The following STK31 variants were observed in gnomAD, a reference collection of about 807,000 sequenced individuals.
The protein encoded by STK31 is serine/threonine kinase 31, also known as serine/threonine-protein kinase 31.
In STK31, 89 loss-of-function variants were observed where a neutral mutation model predicts 129.7. The ratio of observed to expected loss-of-function variants is 0.69; its 90% CI spans 0.58 to 0.82. The LOEUF (loss-of-function observed/expected upper bound fraction) is 0.82, where lower values mean the gene tolerates loss of function less well. Among genes scored for constraint, STK31 ranks in the 40% least tolerant of loss-of-function variants. STK31 has a pLI of 0.00. For synonymous variants in STK31, 448 were observed against 395.3 expected, an observed-to-expected ratio of 1.13 and a Z score of -1.58; for missense variants, 1,187 against 1,176.4, an observed-to-expected ratio of 1.01 and a Z score of -0.13.
chr7:23,769,037 G>A lies in STK31; in HGVS notation c.1459G>A (p.Glu487Lys). Residue 487 changes from glutamate (E) to lysine (K), a missense_variant, in exon 12 of 24, where the codon GAA becomes AAA. Physicochemically the swap from Glu to Lys is moderately conservative, Grantham distance 56. Transcript: ENST00000355870. ...SLEAVYGQAK[E>K]GANSDEILKK... ...AGAAGCAGTGTATGGACAAGCCAAA[G>A]AAGGAGCAAATTCTGATGAAATACT... The A allele has an allele frequency of 1.2e-6, 2 of 1,612,710 alleles. No homozygotes were observed. Among genetic ancestry groups the A allele is most frequent in the Non-Finnish European group, 1.7e-6 (2 of 1,179,200 alleles).
chr7:23,734,494 A>G (rs1212055443), intron 6 of STK31, among the ~76,000 whole-genome samples: 1 of 152,204 alleles, frequency 6.6e-6, no homozygotes, highest in South Asian at 2.1e-4. Context: ...GGAGGAGTAG[A>G]TAAGTTCTTA....
chr7:23,828,892 CTTTTTTTTTG>C (rs1055400501), intron 23 of STK31, among the ~76,000 whole-genome samples: 2 of 150,708 alleles, frequency 1.3e-5, no homozygotes, highest in African/African-American at 2.4e-5. Flanking sequence ...CTTTTTCTTT[CTTTTTTTTTG>C]TTTTTCTTTT....
Position 23,786,042 on chromosome 7 carries a change from G to GA in STK31, c.2274+448dup, listed in dbSNP as rs199684197. Among the ~76,000 whole-genome samples, 744 of 148,746 alleles carry GA rather than the reference G, an allele frequency of 5.0e-3. 3 individuals are homozygous for GA. Among genetic ancestry groups the GA allele is most frequent in the Middle Eastern group, 0.031 (9 of 290 alleles). On this transcript the variant is annotated intron_variant, in intron 18 of 23. Transcript: ENST00000355870. The stretch of plus-strand genomic sequence containing the variant: ...CATTAAATAAAGCTTTGTCTCACAA[G>GA]AAAAAAAAATAAAGTTTCCCTCATT...
chr7:23,725,140 T>C (rs558369489), intron 4 of STK31, among the ~76,000 whole-genome samples: 2 of 152,200 alleles, frequency 1.3e-5, no homozygotes, highest in Admixed American at 6.5e-5. Context: ...GGTTGAACTT[T>C]GGAGGGCTAC....
intron 8 of STK31, among the ~76,000 whole-genome samples, chr7:23,749,435 C>G (rs2893126): frequency 6.8e-6 from 1 of 147,214 alleles, no homozygotes; most frequent in Non-Finnish European, 1.5e-5. Flanking sequence ...CTCCACCTCC[C>G]GGACTCAAGT....
At chr7:23,808,450 G>A (rs945171485) in intron 22 of STK31, among the ~76,000 whole-genome samples, 10 of 152,000 alleles carry the variant, frequency 6.6e-5, no homozygotes, top group Non-Finnish European at 1.3e-4. Context: ...TGGTGAGAGT[G>A]GAAGTTTTAC....
At chr7:23,727,133 T>C (rs1787135410) in intron 4 of STK31, 108 bp from the exon 5 acceptor site, 2 of 819,636 alleles carry the variant, frequency 2.4e-6, no homozygotes, top group Non-Finnish European at 2.0e-6. Flanking sequence ...ATGAGTTATA[T>C]ATAAAGTACT....
intron 23 of STK31, among the ~76,000 whole-genome samples, chr7:23,825,498 T>G (rs1794086649): frequency 6.6e-6 from 1 of 152,196 alleles, no homozygotes; most frequent in Admixed American, 6.5e-5. Context: ...TTTTCTTCTT[T>G]ATTAGTCTTG....
Position 23,782,493 on chromosome 7 carries a change from G to GAA in STK31, c.2067+976_2067+977dup, listed in dbSNP as rs1790999476. Reference sequence around the variant, plus strand: ...TCTCAAAAAAAAAAAAAAAAAAAAAGAAAAGAAAAGAAAGTAATAATATTA... The same window carrying GAA: ...TCTCAAAAAAAAAAAAAAAAAAAAAGAAAAAAGAAAAGAAAGTAATAATATTA... On this transcript the variant is annotated intron_variant, in intron 16 of 23. Transcript: ENST00000355870. Among the ~76,000 whole-genome samples the GAA allele has an allele frequency of 2.6e-5, 3 of 113,532 alleles. 1 individual carries two copies. The highest frequency in any genetic ancestry group is 8.9e-5 in the Admixed American group (1 of 11,260). The allele number at this position is 113,532 out of a possible 152,430, so 74.5% of individuals were successfully genotyped here. A position where few individuals can be genotyped will look rare whatever the true frequency, so the allele number is the denominator to read the frequency against.
chr7:23,813,078 C>CTT (rs70956924), intron 22 of STK31, among the ~76,000 whole-genome samples: 14,984 of 93,662 alleles, frequency 0.16, 1,694 homozygotes, highest in South Asian at 0.2. Flanking sequence ...GCTCTCTGTT[C>CTT]TTTTTTTTTT....
At chr7:23,746,671 GGAA>G (rs1331311719) in intron 8 of STK31, among the ~76,000 whole-genome samples, 3 of 152,044 alleles carry the variant, frequency 2.0e-5, no homozygotes, top group African/African-American at 7.2e-5. Flanking sequence ...AAAATCATAA[GGAA>G]GAAGAAATGT....
At chr7:23,753,161 T>A (rs1394273129) in intron 9 of STK31, among the ~76,000 whole-genome samples, 5 of 152,206 alleles carry the variant, frequency 3.3e-5, no homozygotes, top group Non-Finnish European at 7.3e-5. Flanking sequence ...GTACAGCATG[T>A]CCTTGAATAA....
At chr7:23,754,538 A>G in intron 10 of STK31, 64 bp downstream of exon 10, 1 of 1,489,992 alleles carries the variant, frequency 6.7e-7, no homozygotes, top group South Asian at 1.3e-5. Context: ...TGTTTTTTTA[A>G]TTTCTTCTAA....
chr7:23,814,159 T>TTTTTTTTTTTTTC (rs1374568990), intron 22 of STK31, among the ~76,000 whole-genome samples: 1 of 146,640 alleles, frequency 6.8e-6, no homozygotes, highest in Non-Finnish European at 1.5e-5. Flanking sequence ...ATTTTTTTTT[T>TTTTTTTTTTTTTC]TTTTTCAGTT....
intron 8 of STK31, among the ~76,000 whole-genome samples, chr7:23,743,287 A>G (rs1343508115): frequency 2.0e-5 from 3 of 152,146 alleles, no homozygotes; most frequent in African/African-American, 7.2e-5. Context: ...TTATGATCAC[A>G]GATTGTGTAT....
At chr7:23,798,563 A>G (rs1257520698) in intron 22 of STK31, among the ~76,000 whole-genome samples, 1 of 152,084 alleles carries the variant, frequency 6.6e-6, no homozygotes, top group African/African-American at 2.4e-5. Context: ...CTTCATGCTA[A>G]AAACTCTCAA....
intron 4 of STK31, among the ~76,000 whole-genome samples, chr7:23,724,279 T>C (rs1436037587): frequency 6.6e-6 from 1 of 152,162 alleles, no homozygotes; most frequent in African/African-American, 2.4e-5. Flanking sequence ...TCCTTTGAAA[T>C]GCTGAGGATC....
chr7:23,727,507 T>G (rs1281782953), intron 5 of STK31, 192 bp downstream of exon 5: 4 of 526,128 alleles, frequency 7.6e-6, no homozygotes, highest in Non-Finnish European at 1.3e-5. Flanking sequence ...AAGAATAGAT[T>G]ATATAATATG....
chr7:23,736,064 G>T (rs1787700729), intron 7 of STK31, among the ~76,000 whole-genome samples, 168 bp downstream of exon 7: 1 of 152,130 alleles, frequency 6.6e-6, no homozygotes. Context: ...CTTTAGCAGG[G>T]ATATTTTCAT....
Sources: gnomAD v4.1 joint callset for allele counts (sites outside exome capture counted in the v4.1 genomes callset) on GRCh38, gnomAD v4.1.1 for gene constraint, MANE v1.5 for transcripts, NCBI Gene and HGNC (gene_info 2026-07-23, HGNC 2026-07-21) for gene names.